FMN2: variants seen among roughly 807,000 people sequenced by gnomAD.
The protein encoded by FMN2 is formin-2.
A neutral mutation model predicts 142.3 loss-of-function variants in FMN2; 51 were observed. That is an observed-to-expected ratio of 0.36 (90% CI 0.29 to 0.45). FMN2 has a LOEUF of 0.45. Ranked by LOEUF, FMN2 falls within the 20% of genes least tolerant of loss-of-function variation. FMN2 has a pLI of 1.00. For missense variants in FMN2, 1,936 were observed against 2,122.8 expected (o/e 0.91, Z 1.73); for synonymous variants, 882 against 869.8 (o/e 1.01, Z -0.25).
At chr1:240,420,139 C>T (rs1674714586) in intron 15 of FMN2, among the ~76,000 whole-genome samples, 1 of 152,132 alleles carries the variant, frequency 6.6e-6, no homozygotes, top group Admixed American at 6.5e-5. Context: ...CAGAGAAGAG[C>T]TCCAACTGCA....
At chr1:240,330,793 A>C in intron 11 of FMN2, 44 bp downstream of exon 11, 1 of 1,595,058 alleles carries the variant, frequency 6.3e-7, no homozygotes, top group Non-Finnish European at 8.5e-7. Flanking sequence ...TGAGGAGTCA[A>C]GGTTTTGTTT....
intron 13 of FMN2, among the ~76,000 whole-genome samples, chr1:240,351,172 T>C (rs1672086140): frequency 6.6e-6 from 1 of 152,234 alleles, no homozygotes; most frequent in Non-Finnish European, 1.5e-5. Context: ...TACTTTGTAA[T>C]GGCACAAGTA....
intron 6 of FMN2, among the ~76,000 whole-genome samples, chr1:240,229,491 C>A (rs1203220912): frequency 1.3e-5 from 2 of 152,050 alleles, no homozygotes; most frequent in African/African-American, 4.8e-5. Flanking sequence ...GTTAATGATG[C>A]CTCCCTAGAA....
At chr1:240,259,133 G>A (rs1166015974) in intron 7 of FMN2, among the ~76,000 whole-genome samples, 1 of 152,218 alleles carries the variant, frequency 6.6e-6, no homozygotes, top group African/African-American at 2.4e-5. Context: ...AATAGTCATA[G>A]AAGAGAAAGC....
At chr1:240,148,889 G>A (rs1390541050) in intron 2 of FMN2, among the ~76,000 whole-genome samples, 3 of 151,702 alleles carry the variant, frequency 2.0e-5, no homozygotes, top group South Asian at 2.1e-4. Context: ...GGAGAATGGC[G>A]TGAACCCGGG....
chr1:240,415,530 TA>T (rs372874071), intron 15 of FMN2, among the ~76,000 whole-genome samples: 9,373 of 140,744 alleles, frequency 0.067, 851 homozygotes, highest in African/African-American at 0.21. Context: ...TTAAGTATAA[TA>T]AAAAAAAAAA....
At chr1:240,388,173 C>T (rs1481191141) in intron 14 of FMN2, among the ~76,000 whole-genome samples, 2 of 48,672 alleles carry the variant, frequency 4.1e-5, no homozygotes, top group Non-Finnish European at 6.8e-5. Flanking sequence ...GCAAGACTCC[C>T]ATCTCAAAAA....
At chr1:240,219,896 CA>C (rs1226190287) in intron 6 of FMN2, among the ~76,000 whole-genome samples, 2 of 152,132 alleles carry the variant, frequency 1.3e-5, no homozygotes, top group African/African-American at 2.4e-5. Context: ...TGGGCTCAGG[CA>C]ATCTTCCTGC....
At chr1:240,271,372 A>G (rs1275054725) in intron 7 of FMN2, among the ~76,000 whole-genome samples, 2 of 150,062 alleles carry the variant, frequency 1.3e-5, no homozygotes, top group African/African-American at 2.5e-5. Flanking sequence ...AATTAGGCTC[A>G]GTGTGAGCAA....
chr1:240,288,111 G>C (rs949335437), intron 7 of FMN2, among the ~76,000 whole-genome samples: 21 of 152,168 alleles, frequency 1.4e-4, no homozygotes, highest in African/African-American at 4.8e-4. Flanking sequence ...GCCTGTTTTA[G>C]CCTTTCAGCA....
chr1:240,162,752 C>T (rs1337854402), intron 2 of FMN2, among the ~76,000 whole-genome samples: 3 of 152,028 alleles, frequency 2.0e-5, no homozygotes, highest in Non-Finnish European at 4.4e-5. Flanking sequence ...TATTTATTAA[C>T]ACTTAAATCT....
At chr1:240,328,744 C>T (rs1671280304) in intron 8 of FMN2, among the ~76,000 whole-genome samples, 1 of 152,082 alleles carries the variant, frequency 6.6e-6, no homozygotes, top group Non-Finnish European at 1.5e-5. Flanking sequence ...CACCTGCCAC[C>T]ATGCCCCGCT....
intron 1 of FMN2, among the ~76,000 whole-genome samples, chr1:240,118,290 C>T (rs74422925): frequency 0.06 from 9,085 of 152,088 alleles, 360 homozygotes; most frequent in Non-Finnish European, 0.091. Context: ...CAAAGGGCAA[C>T]GGGTAGCACA....
intron 7 of FMN2, among the ~76,000 whole-genome samples, chr1:240,291,498 A>G (rs1456650): frequency 0.99 from 151,305 of 152,318 alleles, 75,153 homozygotes; most frequent in East Asian, 1. Context: ...TCACATTAAC[A>G]CCTTGCTGAA....
intron 13 of FMN2, 85 bp from the exon 14 acceptor site, chr1:240,355,731 C>T (rs1672242796): frequency 3.4e-6 from 3 of 878,832 alleles, no homozygotes; most frequent in Non-Finnish European, 5.4e-6. Context: ...ACAGAATTTT[C>T]TAACATTAGC....
chr1:240,262,841 A>G (rs1668677111), intron 7 of FMN2, among the ~76,000 whole-genome samples: 1 of 150,618 alleles, frequency 6.6e-6, no homozygotes, highest in Middle Eastern at 3.4e-3. Context: ...GCTCACTACA[A>G]TCTCCGCCTC....
intron 1 of FMN2, among the ~76,000 whole-genome samples, chr1:240,099,594 C>G (rs1661343604): frequency 6.6e-6 from 1 of 152,144 alleles, no homozygotes; most frequent in African/African-American, 2.4e-5. Context: ...CATAAATGCT[C>G]TACTTTACAC....
intron 6 of FMN2, among the ~76,000 whole-genome samples, chr1:240,217,382 T>C (rs894037930): frequency 2.0e-5 from 3 of 152,216 alleles, no homozygotes; most frequent in Non-Finnish European, 4.4e-5. Context: ...AGGGTGTGTT[T>C]TGGTTGATTT....
At chr1:240,099,571 C>G (rs1661342877) in intron 1 of FMN2, among the ~76,000 whole-genome samples, 1 of 152,038 alleles carries the variant, frequency 6.6e-6, no homozygotes. Flanking sequence ...CTTTACCTTC[C>G]CACGGTCTCC....
Sources: gnomAD v4.1 joint callset for allele counts (sites outside exome capture counted in the v4.1 genomes callset) on GRCh38, gnomAD v4.1.1 for gene constraint, MANE v1.5 for transcripts, NCBI Gene and HGNC (gene_info 2026-07-23, HGNC 2026-07-21) for gene names.